Variants in ZNF730 observed in about 807,000 individuals in gnomAD.
The protein encoded by ZNF730 is zinc finger protein 730, also known as putative zinc finger protein 730.
ZNF730 carries 12 observed loss-of-function variants against 12.6 expected under a neutral mutation model. The observed-to-expected ratio is 0.95, with a 90% CI of 0.61 to 1.54. The LOEUF is 1.54. Ranked by LOEUF, ZNF730 falls within the 40% of genes most tolerant of loss-of-function variation. The pLI, the probability that ZNF730 is intolerant of heterozygous loss-of-function variation, is 0.00. For synonymous variants in ZNF730, 194 were observed against 195.8 expected (o/e 0.99, Z 0.08); for missense variants, 643 against 583.5 (o/e 1.10, Z -1.05).
chr19:23,085,285 G>T (rs1310103738), intron 1 of ZNF730, among the ~76,000 whole-genome samples: 2 of 151,706 alleles, frequency 1.3e-5, no homozygotes, highest in Non-Finnish European at 2.9e-5. Context: ...CCTTTTAAAG[G>T]TTCGTGTCCT....
At chr19:23,094,829 A>G (rs978034999) in intron 1 of ZNF730, among the ~76,000 whole-genome samples, 2 of 151,648 alleles carry the variant, frequency 1.3e-5, no homozygotes, top group Non-Finnish European at 2.9e-5. Context: ...CTTTGGTTAT[A>G]TATATTACTC....
At chr19:23,093,861 G>A (rs1190332381) in intron 1 of ZNF730, among the ~76,000 whole-genome samples, 2 of 152,210 alleles carry the variant, frequency 1.3e-5, no homozygotes. Context: ...TTCAGGCCAC[G>A]AGCGCCTCCC....
intron 1 of ZNF730, among the ~76,000 whole-genome samples, chr19:23,087,033 T>G (rs1970074163): frequency 6.6e-6 from 1 of 151,920 alleles, no homozygotes; most frequent in Admixed American, 6.6e-5. Flanking sequence ...CCTAGGCATT[T>G]TATCTTTTTT....
At chr19:23,093,117 C>G (rs1970184478) in intron 1 of ZNF730, among the ~76,000 whole-genome samples, 1 of 152,192 alleles carries the variant, frequency 6.6e-6, no homozygotes, top group South Asian at 2.1e-4. Context: ...CAGCCTCTTA[C>G]AGGCACACGC....
chr19:23,118,359 G>GT (rs1231852822), intron 1 of ZNF730, among the ~76,000 whole-genome samples: 3 of 121,150 alleles, frequency 2.5e-5, no homozygotes, highest in Non-Finnish European at 3.4e-5. Context: ...GGTCAAGTTT[G>GT]TTTTTTGTTT....
At chr19:23,094,392 G>A (rs2447480) in intron 1 of ZNF730, among the ~76,000 whole-genome samples, 33,884 of 136,590 alleles carry the variant, frequency 0.25, 4,050 homozygotes, top group African/African-American at 0.35. Context: ...CTATCTATCT[G>A]TCTATCTGTC....
intron 1 of ZNF730, 80 bp from the exon 2 acceptor site, chr19:23,134,000 C>T: frequency 6.4e-7 from 1 of 1,560,320 alleles, no homozygotes; most frequent in Non-Finnish European, 8.7e-7. Context: ...ATTATATTTA[C>T]TCTTATTTCA....
chr19:23,087,406 T>A (rs1436057001), intron 1 of ZNF730, among the ~76,000 whole-genome samples: 1 of 151,984 alleles, frequency 6.6e-6, no homozygotes, highest in Non-Finnish European at 1.5e-5. Context: ...AGATTCCGTC[T>A]CAAAGAAAAA....
chr19:23,078,485 C>T (rs1969906145), intron 1 of ZNF730, among the ~76,000 whole-genome samples: 1 of 152,066 alleles, frequency 6.6e-6, no homozygotes, highest in Admixed American at 6.6e-5. Flanking sequence ...TTGTTTATGA[C>T]ACAGAGATAT....
rs1971010117 is a variant in ZNF730, at chr19:23,146,320, T to C, written c.1276T>C (p.Cys426Arg). The change falls in exon 4 of 4, where the codon TGT (cysteine) becomes CGT (arginine). Residue 426 changes from cysteine (C) to arginine (R), a missense_variant. Coordinates refer to ENST00000597761, the MANE Select transcript of ZNF730 (RefSeq NM_001277403.2). ...RIHTGEKPYK[C>R]EECGRAFNQS... is the part of the protein sequence containing the mutation. ...TCATACTGGAGAGAAACCCTACAAA[T>C]GTGAAGAATGTGGCAGAGCTTTCAA... is the stretch of plus-strand genomic sequence containing the variant. 8 of 1,613,630 alleles carry C rather than the reference T, an allele frequency of 5.0e-6. No individual in the cohort carries two copies. The highest frequency in any genetic ancestry group is 6.8e-6 in the Non-Finnish European group (8 of 1,179,904).
intron 1 of ZNF730, among the ~76,000 whole-genome samples, chr19:23,078,721 C>T (rs995301628): frequency 6.6e-6 from 1 of 152,168 alleles, no homozygotes; most frequent in African/African-American, 2.4e-5. Context: ...TCGTCCCACC[C>T]GACGAGAAAC....
At chr19:23,102,888 G>A (rs763576510) in intron 1 of ZNF730, among the ~76,000 whole-genome samples, 4 of 152,014 alleles carry the variant, frequency 2.6e-5, no homozygotes, top group Non-Finnish European at 5.9e-5. Flanking sequence ...TATGGTCATG[G>A]GTCTTCTTGT....
Position 23,143,799 on chromosome 19 carries a change from TTATA to T in ZNF730, c.227-1470_227-1467del, listed in dbSNP as rs1237870563. On this transcript the variant is annotated intron_variant, in intron 3 of 3. Transcript: ENST00000597761. Reference sequence around the variant, plus strand: ...AAAATTTTTGTTGACAATTCACTGGTTATATCGTAAGACTATGTTTGTATATGAC... The same window carrying T: ...AAAATTTTTGTTGACAATTCACTGGTTCGTAAGACTATGTTTGTATATGAC... 2.0e-5 allele frequency: 3 copies of T among 152,312 alleles called. No individual in the cohort carries two copies. In the South Asian group the frequency reaches 6.2e-4, roughly 32 times the overall value. The allele number at this position is 152,312 out of a possible 1,614,324, so 9.4% of individuals were successfully genotyped here.
intron 1 of ZNF730, among the ~76,000 whole-genome samples, chr19:23,092,074 A>T (rs1357282982): frequency 6.6e-6 from 1 of 152,096 alleles, no homozygotes; most frequent in African/African-American, 2.4e-5. Context: ...TTCCCATGCT[A>T]TTCTCGTGAT....
intron 1 of ZNF730, among the ~76,000 whole-genome samples, chr19:23,079,112 A>T (rs115476520): frequency 6.6e-6 from 1 of 150,928 alleles, no homozygotes; most frequent in African/African-American, 2.4e-5. Flanking sequence ...GGCCCTATCT[A>T]TGTATTTTTA....
intron 1 of ZNF730, among the ~76,000 whole-genome samples, chr19:23,079,162 C>G (rs1397232835): frequency 1.3e-5 from 2 of 151,918 alleles, no homozygotes; most frequent in African/African-American, 4.8e-5. Context: ...ACAATTTTTT[C>G]TAGGTTTTCA....
intron 1 of ZNF730, among the ~76,000 whole-genome samples, chr19:23,129,580 C>G (rs1323799438): frequency 1.3e-5 from 2 of 150,902 alleles, no homozygotes; most frequent in Admixed American, 6.6e-5. Flanking sequence ...TATCCCCCCC[C>G]CCATTATATC....
intron 1 of ZNF730, among the ~76,000 whole-genome samples, chr19:23,101,192 C>T (rs1005931621): frequency 1.3e-5 from 2 of 151,290 alleles, no homozygotes; most frequent in African/African-American, 2.4e-5. Context: ...TTTGAATGTA[C>T]ACCCAGGCAA....
At chr19:23,094,754 G>A (rs1015901136) in intron 1 of ZNF730, among the ~76,000 whole-genome samples, 2 of 152,054 alleles carry the variant, frequency 1.3e-5, no homozygotes, top group African/African-American at 2.4e-5. Context: ...GATTACAGTC[G>A]TGAGCCAAGG....
Sources: gnomAD v4.1 joint callset for allele counts (sites outside exome capture counted in the v4.1 genomes callset) on GRCh38, gnomAD v4.1.1 for gene constraint, MANE v1.5 for transcripts, NCBI Gene and HGNC (gene_info 2026-07-23, HGNC 2026-07-21) for gene names.